The following ARHGAP42 variants were observed in gnomAD, a reference collection of about 807,000 sequenced individuals.
ARHGAP42 encodes Rho GTPase activating protein 42.
Under a neutral mutation model 125.0 loss-of-function variants are expected in ARHGAP42, and 63 were observed. The ratio of observed to expected loss-of-function variants is 0.50; its 90% CI spans 0.41 to 0.62. The LOEUF is 0.62. ARHGAP42 is among the 20% of genes least tolerant of loss of function. The pLI is 0.00. For synonymous variants in ARHGAP42, 339 were observed against 351.0 expected (o/e 0.97, Z 0.38); for missense variants, 766 against 1,024.2 (o/e 0.75, Z 3.44).
chr11:100,755,172 T>C (rs190786582), intron 1 of ARHGAP42, among the ~76,000 whole-genome samples: 52 of 152,314 alleles, frequency 3.4e-4, no homozygotes, highest in African/African-American at 1.1e-3. Context: ...TGTAAGAGTG[T>C]GTGTGCACAC....
At chr11:100,854,528 A>G (rs2135132876) in intron 3 of ARHGAP42, among the ~76,000 whole-genome samples, 1 of 152,298 alleles carries the variant, frequency 6.6e-6, no homozygotes, top group African/African-American at 2.4e-5. Context: ...GTTTGCTCAC[A>G]TTAAAGTGTA....
chr11:100,927,297 C>T (rs567589321), intron 6 of ARHGAP42, among the ~76,000 whole-genome samples: 56 of 152,038 alleles, frequency 3.7e-4, no homozygotes, highest in Non-Finnish European at 6.0e-4. Context: ...TCTTTTTCAA[C>T]GTAATCAGTT....
intron 4 of ARHGAP42, among the ~76,000 whole-genome samples, chr11:100,888,024 C>T (rs1866134522): frequency 6.6e-6 from 1 of 152,162 alleles, no homozygotes. Context: ...CTCTTTGTTA[C>T]CTGCTCAAGC....
chr11:100,699,672 G>T (rs558515945), intron 1 of ARHGAP42, among the ~76,000 whole-genome samples: 6 of 150,842 alleles, frequency 4.0e-5, no homozygotes, highest in African/African-American at 1.5e-4. Flanking sequence ...ACAGAGGTGC[G>T]CCACCACGCC....
At chr11:100,710,633 G>A (rs1042604876) in intron 1 of ARHGAP42, among the ~76,000 whole-genome samples, 2 of 142,440 alleles carry the variant, frequency 1.4e-5, no homozygotes, top group Non-Finnish European at 3.0e-5. Context: ...TCTGCCTCCC[G>A]GGTTCAAGTG....
At chr11:100,897,208 C>G (rs1364723279) in intron 4 of ARHGAP42, among the ~76,000 whole-genome samples, 1 of 152,056 alleles carries the variant, frequency 6.6e-6, no homozygotes, top group Non-Finnish European at 1.5e-5. Context: ...TATATCTGTA[C>G]TGGTACCAGT....
chr11:100,731,794 T>G (rs989911871), intron 1 of ARHGAP42, among the ~76,000 whole-genome samples: 7 of 152,292 alleles, frequency 4.6e-5, no homozygotes, highest in Non-Finnish European at 7.4e-5. Context: ...TTAATGACTA[T>G]TGTATTTCCA....
At chr11:100,781,058 T>C (rs1412193856) in intron 2 of ARHGAP42, among the ~76,000 whole-genome samples, 1 of 152,170 alleles carries the variant, frequency 6.6e-6, no homozygotes, top group African/African-American at 2.4e-5. Flanking sequence ...GTTTTTTTGG[T>C]GTTTTCCTAG....
chr11:100,925,692 C>G (rs1302031390), intron 6 of ARHGAP42, among the ~76,000 whole-genome samples: 2 of 152,198 alleles, frequency 1.3e-5, no homozygotes, highest in Non-Finnish European at 2.9e-5. Flanking sequence ...GATACAAAAT[C>G]ATGGCACTGC....
intron 2 of ARHGAP42, among the ~76,000 whole-genome samples, chr11:100,793,700 C>T (rs1374226673): frequency 6.6e-6 from 1 of 151,820 alleles, no homozygotes; most frequent in East Asian, 1.9e-4. Flanking sequence ...GGCTTTATGC[C>T]AGAATTACTA....
At chr11:100,805,578 T>C (rs1358518096) in intron 3 of ARHGAP42, among the ~76,000 whole-genome samples, 4 of 152,126 alleles carry the variant, frequency 2.6e-5, no homozygotes, top group Non-Finnish European at 4.4e-5. Context: ...AACAAAAGAA[T>C]GGCTACTTCA....
chr11:100,821,132 G>A (rs1640575151), intron 3 of ARHGAP42, among the ~76,000 whole-genome samples: 1 of 152,074 alleles, frequency 6.6e-6, no homozygotes, highest in South Asian at 2.1e-4. Context: ...TGGTTGAATT[G>A]TGATGAGCTC....
At chr11:100,973,530 C>T (rs187982526) in intron 18 of ARHGAP42, among the ~76,000 whole-genome samples, 196 bp downstream of exon 18, 10 of 152,294 alleles carry the variant, frequency 6.6e-5, no homozygotes, top group Non-Finnish European at 5.9e-5. Context: ...ACATAATAGA[C>T]TTCAAAAGGT....
chr11:100,955,654 A>C (rs1474430498), intron 12 of ARHGAP42, among the ~76,000 whole-genome samples: 2 of 152,056 alleles, frequency 1.3e-5, no homozygotes, highest in Non-Finnish European at 2.9e-5. Context: ...TAGGATACTT[A>C]TCCTCCTCTC....
chr11:100,816,543 A>G (rs527261251), intron 3 of ARHGAP42, among the ~76,000 whole-genome samples: 113 of 152,258 alleles, frequency 7.4e-4, no homozygotes, highest in Non-Finnish European at 8.7e-4. Flanking sequence ...AACATCAAAC[A>G]TTTTTTACTG....
At chr11:100,823,106 A>G (rs553103337) in intron 3 of ARHGAP42, among the ~76,000 whole-genome samples, 5 of 152,208 alleles carry the variant, frequency 3.3e-5, no homozygotes, top group African/African-American at 7.2e-5. Context: ...TGCTGTCTCA[A>G]AGTTCTATTT....
intron 3 of ARHGAP42, among the ~76,000 whole-genome samples, chr11:100,830,838 A>C (rs1864647843): frequency 6.6e-6 from 1 of 152,156 alleles, no homozygotes; most frequent in Admixed American, 6.5e-5. Context: ...GCCTGCTTTG[A>C]GAAACCTTGG....
At chr11:100,872,237 T>C (rs1274718312) in intron 4 of ARHGAP42, among the ~76,000 whole-genome samples, 1 of 152,236 alleles carries the variant, frequency 6.6e-6, no homozygotes, top group Non-Finnish European at 1.5e-5. Context: ...ATTTATCTTC[T>C]TATTGTTCAT....
intron 1 of ARHGAP42, among the ~76,000 whole-genome samples, chr11:100,750,212 G>T (rs189955730): frequency 6.6e-6 from 1 of 152,220 alleles, no homozygotes; most frequent in Non-Finnish European, 1.5e-5. Flanking sequence ...GCAAGGCAAC[G>T]TACTTCTATA....
Sources: allele counts gnomAD v4.1 joint callset (sites outside exome capture counted in the v4.1 genomes callset), GRCh38; gene constraint gnomAD v4.1.1; transcripts MANE v1.5; gene names NCBI Gene and HGNC (gene_info 2026-07-23, HGNC 2026-07-21).